SNAP91: variants seen among roughly 807,000 people sequenced by gnomAD.
SNAP91 encodes the protein clathrin coat assembly protein AP180.
Under a neutral mutation model 100.3 loss-of-function variants are expected in SNAP91, and 27 were observed. The observed-to-expected ratio is 0.27, with a 90% CI of 0.20 to 0.37. The LOEUF is 0.37. Among genes scored for constraint, SNAP91 ranks in the 10% least tolerant of loss-of-function variants. The pLI is 1.00. For synonymous variants in SNAP91, 404 were observed against 398.6 expected (o/e 1.01, Z -0.16); for missense variants, 986 against 1,123.7 (o/e 0.88, Z 1.75).
chr6:83,577,975 C>T (rs539617696), intron 24 of SNAP91, among the ~76,000 whole-genome samples: 1 of 152,220 alleles, frequency 6.6e-6, no homozygotes, highest in Admixed American at 6.5e-5. Context: ...TATATGAAAA[C>T]ACATAGTCTT....
chr6:83,580,451 G>T lies in SNAP91; in HGVS notation c.2298C>A (p.Gly766=), dbSNP rs1421960152. The change falls in exon 24 of 30, where the codon GGC becomes GGA. Residue 766 remains glycine (G), a splice_region_variant and synonymous_variant. Coordinates refer to ENST00000369694, the MANE Select transcript of SNAP91 (RefSeq NM_001242792.2). ...AAAAAAAAAAACTAGATTACTCACT[G>T]CCTACTAAGCTGGCAAGAGATGAAT... ...DLDSSLASLV[G]NLGISGTTTK... is the part of the protein sequence containing the mutation. The T allele has an allele frequency of 1.9e-6, 3 of 1,595,556 alleles. No homozygotes were observed. In the South Asian group the frequency reaches 3.5e-5, roughly 18 times the overall value.
rs2094206887 is a variant in SNAP91 at position 83,594,319 on chromosome 6, G to A, written c.1432+55C>T. ...AAACATATGGCCTCTTCTAACTACG[G>A]GGGTTTTACATTAGGACAGAAGAAT... On this transcript the variant is annotated intron_variant, in intron 17 of 29. Transcript: ENST00000369694. 3 of 1,340,100 alleles carry A rather than the reference G, an allele frequency of 2.2e-6. 1 individual carries two copies. Among genetic ancestry groups the A allele is most frequent in the South Asian group, 2.5e-5 (2 of 79,404 alleles). The allele number at this position is 1,340,100 out of a possible 1,614,324, so 83.0% of individuals were successfully genotyped here.
At chr6:83,661,678 T>A in intron 4 of SNAP91, 74 bp from the exon 5 acceptor site, 1 of 761,928 alleles carries the variant, frequency 1.3e-6, no homozygotes, top group Non-Finnish European at 2.1e-6. Context: ...GTACTATTTT[T>A]TTTTAACTCT....
Position 83,576,069 on chromosome 6 carries a change from AG to A in SNAP91, c.2300-17del. On this transcript the variant is annotated splice_polypyrimidine_tract_variant and intron_variant, in intron 24 of 29. Transcript: ENST00000369694. ...ATTCCAAGATCTATAAATGGATAAA[AG>A]AAAAAAGAATGTAAATCTCTACACT... 7.9e-7 allele frequency: 1 copy of A among 1,266,324 alleles called. No homozygotes were observed. The allele number at this position is 1,266,324 out of a possible 1,614,324, so 78.4% of individuals were successfully genotyped here.
At chr6:83,624,971 C>T in intron 8 of SNAP91, among the ~76,000 whole-genome samples, 1 of 151,950 alleles carries the variant, frequency 6.6e-6, no homozygotes, top group East Asian at 1.9e-4. Context: ...GAGGTTTGGG[C>T]TTCTACTAAT....
chr6:83,605,796 T>C lies in SNAP91; in HGVS notation c.1030A>G (p.Lys344Glu). Residue 344 changes from lysine to glutamate, a missense_variant, in exon 14 of 30, where the codon AAA becomes GAA. By Grantham distance (56) the Lys-to-Glu change is moderately conservative (BLOSUM62 1). Transcript: ENST00000369694. Reference protein sequence around the residue: ...ASAAVPVSTSKPSSDLLDLQP... With the variant: ...ASAAVPVSTSEPSSDLLDLQP... ...AGGTCCAGGAGATCACTAGATGGTT[T>C]AGAAGTGCTGAAAGGAAAATAAAAC... is the stretch of plus-strand genomic sequence containing the variant. 1 of 1,540,292 alleles carries C rather than the reference T, an allele frequency of 6.5e-7. No individual in the cohort carries two copies. The highest frequency in any genetic ancestry group is 8.8e-7 in the Non-Finnish European group (1 of 1,142,440).
intron 11 of SNAP91, chr6:83,611,333 G>C: frequency 3.1e-6 from 1 of 323,596 alleles, no homozygotes; most frequent in Non-Finnish European, 6.2e-6. Context: ...AGAAAATGAG[G>C]GAAAATTAGG....
At chr6:83,705,689 A>C (rs1420207351) in intron 2 of SNAP91, among the ~76,000 whole-genome samples, 2 of 152,028 alleles carry the variant, frequency 1.3e-5, no homozygotes, top group Non-Finnish European at 2.9e-5. Context: ...GCATTCCTGT[A>C]AGTCCCAGCT....
chr6:83,570,208 T>C (rs1804373020), intron 26 of SNAP91, among the ~76,000 whole-genome samples: 3 of 152,138 alleles, frequency 2.0e-5, no homozygotes, highest in Admixed American at 2.0e-4. Flanking sequence ...ATTTTGCCCC[T>C]GCCCCAGAGA....
At chr6:83,583,816 T>C (rs1372079669) in intron 22 of SNAP91, among the ~76,000 whole-genome samples, 1 of 152,226 alleles carries the variant, frequency 6.6e-6, no homozygotes, top group Non-Finnish European at 1.5e-5. Flanking sequence ...TACTATTTTC[T>C]AAAGCAGGTG....
chr6:83,620,321 G>A (rs1340073946), intron 9 of SNAP91, among the ~76,000 whole-genome samples: 1 of 152,142 alleles, frequency 6.6e-6, no homozygotes, highest in Non-Finnish European at 1.5e-5. Flanking sequence ...TTCATTACCT[G>A]GCTAGATTGA....
chr6:83,565,990 AT>A (rs1309429224), intron 26 of SNAP91, among the ~76,000 whole-genome samples: 2 of 152,192 alleles, frequency 1.3e-5, no homozygotes, highest in Non-Finnish European at 2.9e-5. Flanking sequence ...ATACGCTCAT[AT>A]GGAAACTCAT....
At chr6:83,567,655 A>C (rs1325507626) in intron 26 of SNAP91, among the ~76,000 whole-genome samples, 4 of 152,194 alleles carry the variant, frequency 2.6e-5, no homozygotes, top group African/African-American at 7.2e-5. Flanking sequence ...AATTTACAAG[A>C]AAAAAACAAA....
intron 9 of SNAP91, among the ~76,000 whole-genome samples, chr6:83,621,093 A>G (rs1243964065): frequency 1.3e-5 from 2 of 152,034 alleles, no homozygotes; most frequent in East Asian, 3.9e-4. Context: ...ATATAGGTAA[A>G]TTGCATGTCA....
chr6:83,643,916 C>T (rs1585290744), intron 7 of SNAP91, among the ~76,000 whole-genome samples: 1 of 152,252 alleles, frequency 6.6e-6, no homozygotes, highest in East Asian at 1.9e-4. Context: ...TTTCTTTATC[C>T]ACTCTGTCCT....
chr6:83,702,802 A>G (rs945134442), intron 2 of SNAP91, among the ~76,000 whole-genome samples: 28 of 151,312 alleles, frequency 1.9e-4, no homozygotes, highest in Non-Finnish European at 3.5e-4. Context: ...AAAGATCTGG[A>G]AAAAAAACCC....
chr6:83,673,841 A>C (rs1465916554), intron 2 of SNAP91, among the ~76,000 whole-genome samples: 1 of 152,206 alleles, frequency 6.6e-6, no homozygotes, highest in Non-Finnish European at 1.5e-5. Context: ...ATATGTAAGC[A>C]GCAGTCTGCT....
chr6:83,580,395 A>C, intron 24 of SNAP91, 55 bp downstream of exon 24: 1 of 1,541,510 alleles, frequency 6.5e-7, no homozygotes, highest in Middle Eastern at 1.8e-4. Flanking sequence ...GAGAAACAAA[A>C]AACAATTCAC....
At chr6:83,640,132 G>A (rs2097631342) in intron 8 of SNAP91, among the ~76,000 whole-genome samples, 1 of 152,112 alleles carries the variant, frequency 6.6e-6, no homozygotes, top group Non-Finnish European at 1.5e-5. Context: ...ATGGGTGAAA[G>A]TTCAAGAATC....
Sources: allele counts gnomAD v4.1 joint callset (sites outside exome capture counted in the v4.1 genomes callset), GRCh38; gene constraint gnomAD v4.1.1; transcripts MANE v1.5; gene names NCBI Gene and HGNC (gene_info 2026-07-23, HGNC 2026-07-21).